Variants in TXNL4B observed in about 807,000 individuals in gnomAD.
TXNL4B encodes the protein thioredoxin like 4B.
Under a neutral mutation model 13.0 loss-of-function variants are expected in TXNL4B, and 12 were observed. The ratio of observed to expected loss-of-function variants is 0.92; its 90% CI spans 0.59 to 1.49. TXNL4B has a LOEUF of 1.49. Ranked by LOEUF, TXNL4B falls within the 40% of genes most tolerant of loss-of-function variation. TXNL4B has a pLI of 0.00. For synonymous variants in TXNL4B, 59 were observed against 58.9 expected (o/e 1.00, Z -0.01); for missense variants, 214 against 173.6 (o/e 1.23, Z -1.31).
intron 3 of TXNL4B, among the ~76,000 whole-genome samples, chr16:72,087,102 A>G (rs1355989000): frequency 2.0e-5 from 3 of 152,186 alleles, no homozygotes; most frequent in Non-Finnish European, 4.4e-5. Flanking sequence ...GATTTCACCA[A>G]GTGTTGGAGT....
intron 1 of TXNL4B, among the ~76,000 whole-genome samples, chr16:72,091,667 G>A (rs930309308): frequency 1.3e-5 from 2 of 152,188 alleles, no homozygotes; most frequent in African/African-American, 4.8e-5. Flanking sequence ...TTTTTAAACA[G>A]TCCTTTATTG....
chr16:72,090,098 T>C (rs1200410508), intron 2 of TXNL4B: 28 of 455,922 alleles, frequency 6.1e-5, no homozygotes, highest in Non-Finnish European at 1.0e-4. Flanking sequence ...CACGGGATGG[T>C]AGCAGTAGAA....
chr16:72,090,730 T>C lies in TXNL4B; in HGVS notation c.20A>G (p.Lys7Arg), dbSNP rs1468951826. 13 of 1,614,078 alleles carry C rather than the reference T, an allele frequency of 8.1e-6. No individual in the cohort carries two copies. In the East Asian group the frequency reaches 8.9e-5, roughly 11 times the overall value. The change falls in exon 2 of 4, where the codon AAG becomes AGG. Residue 7 changes from lysine to arginine, a missense_variant. By Grantham distance (26) the Lys-to-Arg change is conservative (BLOSUM62 2). Transcript: ENST00000268483. The stretch of plus-strand genomic sequence containing the variant: ...GTCTACTTCCTTTTTGCTAGTCAGC[T>C]TGGGCAGTAGGAAGCTCATCTTGAA... MSFLLPKLTSKKEVDQA... is the reference protein window; with the variant it reads MSFLLPRLTSKKEVDQA...
In TXNL4B at chr16:72,093,530, C is replaced by G. The variant is rs2041953755; in HGVS notation, c.-201G>C. On this transcript the variant is annotated 5_prime_UTR_variant, in exon 1 of 4. Transcript: ENST00000268483. ...TTGCCTAGCAACCCTCGTGGCCCCG[C>G]TAGCGGGAAGGAAACCGAACAGAAA... 1 of 152,338 alleles carries G rather than the reference C, an allele frequency of 6.6e-6. No homozygotes were observed. The highest frequency in any genetic ancestry group is 1.5e-5 in the Non-Finnish European group (1 of 68,110). 9.4% of individuals were successfully genotyped at this position (152,338 alleles called of 1,614,324 possible). A position where few individuals can be genotyped will look rare whatever the true frequency, so the allele number is the denominator to read the frequency against.
rs1260761456 is a variant in TXNL4B, at chr16:72,090,798, G to A, written c.-37-12C>T. ...CCTCACTGTCACTCCTGAAATAAAG[G>A]TGCAATGTTTAAAGACAGTTTAGAT... On this transcript the variant is annotated splice_polypyrimidine_tract_variant and intron_variant, in intron 1 of 3. Coordinates refer to ENST00000268483, the MANE Select transcript of TXNL4B (RefSeq NM_017853.3). 7.5e-6 allele frequency: 12 copies of A among 1,610,634 alleles called. No homozygotes were observed. Among genetic ancestry groups the A allele is most frequent in the Admixed American group, 1.7e-5 (1 of 59,642 alleles).
At chr16:72,088,564 C>T (rs10492813) in intron 3 of TXNL4B, among the ~76,000 whole-genome samples, 76,157 of 152,098 alleles carry the variant, frequency 0.5, 20,958 homozygotes, top group African/African-American at 0.74. Context: ...ATGTTTCTTT[C>T]ATAAATGCCA....
Position 72,086,726 on chromosome 16 carries a change from G to A in TXNL4B, c.361C>T (p.Arg121Ter), listed in dbSNP as rs773021440. Residue 121 changes from arginine (R) to a stop codon, truncating the protein, a stop_gained, in exon 4 of 4, where the codon CGA becomes TGA. Transcript: ENST00000268483. LOFTEE classifies it high-confidence loss of function. ...ATAAGCTTCCCCCTCATTGCTCCTC[G>A]ATAGATTACTTCAATCAAATCTATG... Reference protein sequence around the residue: ...DFIDLIEVIYRGAMRGKLIVQ... With the variant: ...DFIDLIEVIY 1.1e-5 allele frequency: 18 copies of A among 1,613,512 alleles called. No homozygotes were observed. The highest frequency in any genetic ancestry group is 2.2e-5 in the East Asian group (1 of 44,884).
chr16:72,084,932 A>T lies in TXNL4B; in HGVS notation c.*1705T>A, dbSNP rs980208857. 4 of 398,590 alleles carry T rather than the reference A, an allele frequency of 1.0e-5. No individual in the cohort carries two copies. Among genetic ancestry groups the T allele is most frequent in the Non-Finnish European group, 8.8e-6 (2 of 226,060 alleles). 24.7% of individuals were successfully genotyped at this position (398,590 alleles called of 1,614,324 possible). A position where few individuals can be genotyped will look rare whatever the true frequency, so the allele number is the denominator to read the frequency against. Reference sequence around the variant, plus strand: ...CCAGAGTTCATGCAGGAGCTCAATAACATCAGAGATTGGGCTCTTTTTGTT... The same window carrying T: ...CCAGAGTTCATGCAGGAGCTCAATATCATCAGAGATTGGGCTCTTTTTGTT... On this transcript the variant is annotated 3_prime_UTR_variant, in exon 4 of 4. Transcript: ENST00000268483.
Position 72,093,439 on chromosome 16 carries a change from C to G in TXNL4B, c.-110G>C, listed in dbSNP as rs1468752558. The G allele has an allele frequency of 6.6e-6, 1 of 152,300 alleles. No homozygotes were observed. Among genetic ancestry groups the G allele is most frequent in the South Asian group, 2.1e-4 (1 of 4,842 alleles). The allele number at this position is 152,300 out of a possible 1,614,324, so 9.4% of individuals were successfully genotyped here. On this transcript the variant is annotated 5_prime_UTR_variant, in exon 1 of 4. Transcript: ENST00000268483. The stretch of plus-strand genomic sequence containing the variant: ...CAACCACTTCTCGGAAGAGCCCGGG[C>G]GCGGACAGCTCCTTTCATCAGCCCC...
At position 72,084,929 on chromosome 16, in the gene TXNL4B, A is replaced by G. The variant is rs928346666; in HGVS notation, c.*1708T>C. ...GGTCCAGAGTTCATGCAGGAGCTCAATAACATCAGAGATTGGGCTCTTTTT... is the reference window on the plus strand; with the variant it reads ...GGTCCAGAGTTCATGCAGGAGCTCAGTAACATCAGAGATTGGGCTCTTTTT... On this transcript the variant is annotated 3_prime_UTR_variant, in exon 4 of 4. Coordinates refer to ENST00000268483, the MANE Select transcript of TXNL4B (RefSeq NM_017853.3). 5 of 398,524 alleles carry G rather than the reference A, an allele frequency of 1.3e-5. No individual in the cohort carries two copies. Among genetic ancestry groups the G allele is most frequent in the African/African-American group, 8.2e-5 (4 of 48,640 alleles). 24.7% of individuals were successfully genotyped at this position (398,524 alleles called of 1,614,324 possible). A position where few individuals can be genotyped will look rare whatever the true frequency, so the allele number is the denominator to read the frequency against.
In TXNL4B at chr16:72,086,502, G is replaced by C. The variant is rs1376308458; in HGVS notation, c.*135C>G. 2.6e-6 allele frequency: 2 copies of C among 757,006 alleles called. No individual in the cohort carries two copies. The highest frequency in any genetic ancestry group is 4.0e-6 in the Non-Finnish European group (2 of 499,204). The allele number at this position is 757,006 out of a possible 1,614,324, so 46.9% of individuals were successfully genotyped here. A position where few individuals can be genotyped will look rare whatever the true frequency, so the allele number is the denominator to read the frequency against. ...GTGGGGTCTTTTCCTCAGGGGCCGG[G>C]TTTTCTACACGCAAGTCAAACCTCT... On this transcript the variant is annotated 3_prime_UTR_variant, in exon 4 of 4. Transcript: ENST00000268483.
In TXNL4B at chr16:72,085,061, C is replaced by T. The variant is rs1049501619; in HGVS notation, c.*1576G>A. On this transcript the variant is annotated 3_prime_UTR_variant, in exon 4 of 4. Transcript: ENST00000268483. Reference sequence around the variant, plus strand: ...GATTAAACCAGAGACAGGAAGTGTACGATGGAAGAGGCCAGAGGTGATGGC... The same window carrying T: ...GATTAAACCAGAGACAGGAAGTGTATGATGGAAGAGGCCAGAGGTGATGGC... 17 of 398,376 alleles carry T rather than the reference C, an allele frequency of 4.3e-5. No homozygotes were observed. Among genetic ancestry groups the T allele is most frequent in the African/African-American group, 1.9e-4 (9 of 48,578 alleles). The allele number at this position is 398,376 out of a possible 1,614,324, so 24.7% of individuals were successfully genotyped here.
Position 72,084,930 on chromosome 16 carries a change from T to C in TXNL4B, c.*1707A>G. ...GTCCAGAGTTCATGCAGGAGCTCAA[T>C]AACATCAGAGATTGGGCTCTTTTTG... On this transcript the variant is annotated 3_prime_UTR_variant, in exon 4 of 4. Coordinates refer to ENST00000268483, the MANE Select transcript of TXNL4B (RefSeq NM_017853.3). The C allele has an allele frequency of 2.5e-6, 1 of 398,652 alleles. No homozygotes were observed. The highest frequency in any genetic ancestry group is 6.3e-4 in the Middle Eastern group (1 of 1,588). The allele number at this position is 398,652 out of a possible 1,614,324, so 24.7% of individuals were successfully genotyped here. A position where few individuals can be genotyped will look rare whatever the true frequency, so the allele number is the denominator to read the frequency against.
In TXNL4B at chr16:72,090,784, C is replaced by G. The variant is rs1043276932; in HGVS notation, c.-35G>C. ...ACCCAAATGTGAATCCTCACTGTCA[C>G]TCCTGAAATAAAGGTGCAATGTTTA... On this transcript the variant is annotated splice_region_variant and 5_prime_UTR_variant, in exon 2 of 4. Transcript: ENST00000268483. 2.5e-6 allele frequency: 4 copies of G among 1,612,528 alleles called. No homozygotes were observed. The highest frequency in any genetic ancestry group is 3.4e-6 in the Non-Finnish European group (4 of 1,179,320).
At position 72,085,800 on chromosome 16, in the gene TXNL4B, C is replaced by T. The variant is rs370297094; in HGVS notation, c.*837G>A. On this transcript the variant is annotated 3_prime_UTR_variant, in exon 4 of 4. Transcript: ENST00000268483. ...AGGGCAGATCACGAGGTCAGGAGAT[C>T]GAGACCATCTTGGCTAACACGGTGA... The T allele has an allele frequency of 1.2e-4, 19 of 152,300 alleles. No individual in the cohort carries two copies. The East Asian group carries it at 2.3e-3, about 19-fold the overall frequency. The allele number at this position is 152,300 out of a possible 1,614,324, so 9.4% of individuals were successfully genotyped here.
At chr16:72,088,146 T>C (rs1173447245) in intron 3 of TXNL4B, among the ~76,000 whole-genome samples, 5 of 152,122 alleles carry the variant, frequency 3.3e-5, no homozygotes, top group East Asian at 3.9e-4. Flanking sequence ...GTATTTTTAG[T>C]AGAGATGGGG....
intron 3 of TXNL4B, 68 bp from the exon 4 acceptor site, chr16:72,086,870 G>T: frequency 7.9e-7 from 1 of 1,264,228 alleles, no homozygotes; most frequent in Non-Finnish European, 1.1e-6. Context: ...AGACTTTCAG[G>T]ATAAACAAAA....
In TXNL4B at chr16:72,089,034, T is replaced by C. The variant is rs2041863572; in HGVS notation, c.237A>G (p.Pro79=). The C allele has an allele frequency of 6.2e-7, 1 of 1,610,386 alleles. No individual in the cohort carries two copies. Among genetic ancestry groups the C allele is most frequent in the African/African-American group, 1.3e-5 (1 of 74,844 alleles). ...YTQYFDISYI[P]STVFFFNGQH... is the part of the protein sequence containing the mutation. Reference sequence around the variant, plus strand: ...GCCCATTGAAGAAAAAGACAGTAGATGGAATATAACTGATGTCAAAATACT... The same window carrying C: ...GCCCATTGAAGAAAAAGACAGTAGACGGAATATAACTGATGTCAAAATACT... The change falls in exon 3 of 4, where the codon CCA becomes CCG. Residue 79 remains proline (P), a synonymous_variant. Transcript: ENST00000268483.
chr16:72,088,884 A>G (rs1230975496), intron 3 of TXNL4B, 103 bp downstream of exon 3: 67 of 857,722 alleles, frequency 7.8e-5, no homozygotes, highest in Non-Finnish European at 1.1e-4. Flanking sequence ...GTACTGATAT[A>G]AGACTCACAG....
Sources: gnomAD v4.1 joint callset for allele counts (sites outside exome capture counted in the v4.1 genomes callset) on GRCh38, gnomAD v4.1.1 for gene constraint, MANE v1.5 for transcripts, NCBI Gene and HGNC (gene_info 2026-07-23, HGNC 2026-07-21) for gene names.